The following ROBO2 variants were observed in gnomAD, a reference collection of about 807,000 sequenced individuals.
ROBO2 encodes roundabout guidance receptor 2.
In ROBO2, 53 loss-of-function variants were observed where a neutral mutation model predicts 160.8. The ratio of observed to expected loss-of-function variants is 0.33; its 90% CI spans 0.26 to 0.41. ROBO2 has a LOEUF of 0.41. Among genes scored for constraint, ROBO2 ranks in the 10% least tolerant of loss-of-function variants. ROBO2 has a pLI of 1.00. For synonymous variants in ROBO2, 664 were observed against 611.7 expected, an observed-to-expected ratio of 1.09 and a Z score of -1.26; for missense variants, 1,577 against 1,722.4, an observed-to-expected ratio of 0.92 and a Z score of 1.49.
At chr3:77,021,419 A>G (rs910028080) in intron 2 of ROBO2, among the ~76,000 whole-genome samples, 1 of 152,062 alleles carries the variant, frequency 6.6e-6, no homozygotes, top group Non-Finnish European at 1.5e-5. Context: ...CTCTCCCTCA[A>G]AGTACACAAA....
In ROBO2 at chr3:76,012,999, T is replaced by C. The variant is rs1451806119; in HGVS notation, c.109+75397T>C. On this transcript the variant is annotated intron_variant, in intron 2 of 26. Transcript: ENST00000487694. ...TGGGCACGGTGGCTTATGCATGTAA[T>C]CCCAGAAGTAAAATATGCATAAAGG... 6.0e-5 allele frequency among the ~76,000 whole-genome samples: 9 copies of C among 149,824 alleles called. No homozygotes were observed. The South Asian group carries it at 6.3e-4, about 11-fold the overall frequency.
intron 2 of ROBO2, among the ~76,000 whole-genome samples, chr3:76,053,429 A>G (rs1350330554): frequency 6.6e-6 from 1 of 152,044 alleles, no homozygotes; most frequent in Non-Finnish European, 1.5e-5. Flanking sequence ...TTCAAAACCT[A>G]AACAATGTTC....
At chr3:77,106,453 A>G (rs1450488068) in intron 2 of ROBO2, among the ~76,000 whole-genome samples, 1 of 152,176 alleles carries the variant, frequency 6.6e-6, no homozygotes. Context: ...AATTTCGTGC[A>G]GTAACTCATA....
At chr3:76,181,242 T>C (rs1559618477) in intron 2 of ROBO2, among the ~76,000 whole-genome samples, 2 of 152,034 alleles carry the variant, frequency 1.3e-5, no homozygotes, top group Non-Finnish European at 2.9e-5. Flanking sequence ...CAACAAAAAG[T>C]CAAAAAAGAG....
At chr3:76,161,607 C>T (rs1310185671) in intron 2 of ROBO2, among the ~76,000 whole-genome samples, 2 of 152,114 alleles carry the variant, frequency 1.3e-5, no homozygotes, top group African/African-American at 4.8e-5. Flanking sequence ...GACCCTTTCT[C>T]TTCTGGTTCT....
chr3:77,525,557 A>T lies in ROBO2; in HGVS notation c.934+2655A>T, dbSNP rs182671481. Among the ~76,000 whole-genome samples the T allele has an allele frequency of 2.8e-3, 418 of 151,342 alleles. 1 individual carries two copies. The highest frequency in any genetic ancestry group is 3.9e-3 in the Non-Finnish European group (266 of 67,528). On this transcript the variant is annotated intron_variant, in intron 6 of 25. Coordinates refer to ENST00000461745, the Ensembl canonical transcript of ROBO2. Reference sequence around the variant, plus strand: ...CATTTTCATTCTAATCAATTAATTTATTATTAATAAAACTTTTTAAATGGC... The same window carrying T: ...CATTTTCATTCTAATCAATTAATTTTTTATTAATAAAACTTTTTAAATGGC...
intron 5 of ROBO2, among the ~76,000 whole-genome samples, chr3:77,495,631 A>G (rs1387682258): frequency 1.3e-5 from 2 of 152,152 alleles, no homozygotes; most frequent in African/African-American, 2.4e-5. Flanking sequence ...CAGGTATGCT[A>G]TCGAATGTGC....
At chr3:77,306,456 A>C (rs1009789989) in intron 2 of ROBO2, among the ~76,000 whole-genome samples, 2 of 152,186 alleles carry the variant, frequency 1.3e-5, no homozygotes, top group Non-Finnish European at 2.9e-5. Flanking sequence ...GATGAAATAT[A>C]TCTCACATTA....
chr3:76,962,265 G>A (rs937232356), intron 2 of ROBO2, among the ~76,000 whole-genome samples: 6 of 151,948 alleles, frequency 3.9e-5, no homozygotes, highest in African/African-American at 1.5e-4. Context: ...AACACAGGAG[G>A]TAGAGGTTGC....
At chr3:76,844,594 A>G (rs1379910128) in intron 2 of ROBO2, among the ~76,000 whole-genome samples, 2 of 151,948 alleles carry the variant, frequency 1.3e-5, no homozygotes, top group South Asian at 2.1e-4. Context: ...ACACTGGCCC[A>G]TCAAAGCTTA....
intron 2 of ROBO2, among the ~76,000 whole-genome samples, chr3:76,497,751 A>G (rs2080233553): frequency 6.6e-6 from 1 of 152,200 alleles, no homozygotes; most frequent in Non-Finnish European, 1.5e-5. Flanking sequence ...TGTTCACAGA[A>G]AAGACTCAGG....
At chr3:77,355,993 TAA>T (rs1190417997) in intron 2 of ROBO2, among the ~76,000 whole-genome samples, 1 of 151,870 alleles carries the variant, frequency 6.6e-6, no homozygotes, top group Non-Finnish European at 1.5e-5. Context: ...AATATACATA[TAA>T]AAATATGCTT....
chr3:76,996,192 C>T (rs2060993842), intron 2 of ROBO2, among the ~76,000 whole-genome samples: 1 of 152,114 alleles, frequency 6.6e-6, no homozygotes, highest in African/African-American at 2.4e-5. Context: ...TTCCCAGCAC[C>T]ATTTATTAAA....
At chr3:76,171,706 G>A (rs913919132) in intron 2 of ROBO2, among the ~76,000 whole-genome samples, 5 of 151,932 alleles carry the variant, frequency 3.3e-5, no homozygotes, top group Non-Finnish European at 7.4e-5. Flanking sequence ...TTTTTAGGTA[G>A]GAGAATCAGC....
At chr3:76,298,247 A>G (rs956319228) in intron 2 of ROBO2, among the ~76,000 whole-genome samples, 1 of 152,070 alleles carries the variant, frequency 6.6e-6, no homozygotes, top group African/African-American at 2.4e-5. Flanking sequence ...GTTATAATGG[A>G]TTGTACAAGG....
chr3:76,989,481 TTTTAAACTTCTAAGTTTAAAAAACA>T (rs1274529044), intron 2 of ROBO2, among the ~76,000 whole-genome samples: 2 of 152,136 alleles, frequency 1.3e-5, no homozygotes, highest in African/African-American at 4.8e-5. Flanking sequence ...TTGGGGTGTT[TTTTAAACTTCTAAGTTTAAAAAACA>T]TTTAAACTTA....
At chr3:76,667,518 T>C (rs998893596) in intron 2 of ROBO2, among the ~76,000 whole-genome samples, 9 of 152,214 alleles carry the variant, frequency 5.9e-5, no homozygotes, top group African/African-American at 2.2e-4. Context: ...CAGTATGTTA[T>C]TTAATAATAG....
At chr3:77,142,567 G>A (rs971737314) in intron 2 of ROBO2, among the ~76,000 whole-genome samples, 1 of 152,186 alleles carries the variant, frequency 6.6e-6, no homozygotes, top group African/African-American at 2.4e-5. Flanking sequence ...TGCTATTGGA[G>A]CCTGTTGCTT....
At chr3:77,308,411 AGTCTAGGT>A (rs1427734524) in intron 2 of ROBO2, among the ~76,000 whole-genome samples, 5 of 152,124 alleles carry the variant, frequency 3.3e-5, no homozygotes, top group Admixed American at 3.3e-4. Flanking sequence ...CCTAGGCATT[AGTCTAGGT>A]GGGAGAAAGA....
Sources: allele counts gnomAD v4.1 joint callset (sites outside exome capture counted in the v4.1 genomes callset), GRCh38; gene constraint gnomAD v4.1.1; transcripts MANE v1.5; gene names NCBI Gene and HGNC (gene_info 2026-07-23, HGNC 2026-07-21).